LARS2: variants seen among roughly 807,000 people sequenced by gnomAD.
The protein encoded by LARS2 is leucyl-tRNA synthetase 2, mitochondrial, also known as leucine--tRNA ligase, mitochondrial.
Under a neutral mutation model 116.6 loss-of-function variants are expected in LARS2, and 81 were observed. The observed-to-expected ratio is 0.69, with a 90% CI of 0.58 to 0.84. The LOEUF (loss-of-function observed/expected upper bound fraction) is 0.84. LARS2 is among the 40% of genes least tolerant of loss of function. The pLI, the probability that LARS2 is intolerant of heterozygous loss-of-function variation, is 0.00. For synonymous variants in LARS2, 396 were observed against 407.2 expected (o/e 0.97, Z 0.33); for missense variants, 968 against 1,114.5 (o/e 0.87, Z 1.87).
intron 20 of LARS2, among the ~76,000 whole-genome samples, chr3:45,541,139 C>T (rs1271786082): frequency 6.6e-6 from 1 of 152,172 alleles, no homozygotes; most frequent in African/African-American, 2.4e-5. Flanking sequence ...TGCAGCTGCA[C>T]TTGGACAGCT....
chr3:45,463,534 G>T (rs998180354), intron 8 of LARS2, among the ~76,000 whole-genome samples: 4 of 152,046 alleles, frequency 2.6e-5, no homozygotes, highest in Non-Finnish European at 4.4e-5. Context: ...TTGAGGGTAG[G>T]TACTCCTCTT....
At chr3:45,484,616 A>ATATATATATATATATAT (rs1381915093) in intron 10 of LARS2, among the ~76,000 whole-genome samples, 2 of 13,618 alleles carry the variant, frequency 1.5e-4, no homozygotes, top group African/African-American at 2.3e-4. Context: ...AAAAAAAAAA[A>ATATATATATATATATAT]AAAAAAAAAA....
At chr3:45,393,986 C>T (rs1218373405) in intron 2 of LARS2, among the ~76,000 whole-genome samples, 1 of 152,106 alleles carries the variant, frequency 6.6e-6, no homozygotes, top group African/African-American at 2.4e-5. Flanking sequence ...ATTTCTGGCC[C>T]TCCTGGGAGG....
intron 4 of LARS2, among the ~76,000 whole-genome samples, chr3:45,408,286 T>C (rs1377224521): frequency 1.3e-5 from 2 of 152,268 alleles, no homozygotes; most frequent in East Asian, 1.9e-4. Flanking sequence ...GGGTGTGCCA[T>C]GGCCATGTGG....
intron 1 of LARS2, among the ~76,000 whole-genome samples, chr3:45,390,469 C>T (rs1186431362): frequency 1.3e-5 from 2 of 150,806 alleles, no homozygotes; most frequent in South Asian, 2.1e-4. Flanking sequence ...CCCGCCACCA[C>T]GCCTGGCTAA....
At chr3:45,497,302 C>A (rs1316919522) in intron 14 of LARS2, among the ~76,000 whole-genome samples, 1 of 151,068 alleles carries the variant, frequency 6.6e-6, no homozygotes, top group Admixed American at 6.6e-5. Context: ...CCCGCCCCCC[C>A]CAAAAAAAGA....
chr3:45,401,900 G>A (rs1698160887), intron 4 of LARS2, among the ~76,000 whole-genome samples: 2 of 152,152 alleles, frequency 1.3e-5, no homozygotes, highest in African/African-American at 4.8e-5. Flanking sequence ...ATAGATATGA[G>A]CTACCGCACC....
chr3:45,396,351 G>A (rs1698045522), intron 3 of LARS2, among the ~76,000 whole-genome samples: 1 of 152,224 alleles, frequency 6.6e-6, no homozygotes, highest in South Asian at 2.1e-4. Flanking sequence ...ATCATTTAAT[G>A]TTTTGGATTC....
At chr3:45,473,845 G>T (rs1206300106) in intron 8 of LARS2, among the ~76,000 whole-genome samples, 3 of 151,996 alleles carry the variant, frequency 2.0e-5, no homozygotes, top group Non-Finnish European at 1.5e-5. Flanking sequence ...GTATGATATT[G>T]TTTAGTTGTG....
intron 3 of LARS2, among the ~76,000 whole-genome samples, chr3:45,398,618 C>A (rs925075693): frequency 1.3e-5 from 2 of 152,186 alleles, no homozygotes; most frequent in Non-Finnish European, 2.9e-5. Flanking sequence ...TCTCTCCAGC[C>A]CCTCCACCCT....
intron 6 of LARS2, among the ~76,000 whole-genome samples, chr3:45,441,467 T>A (rs1172914125): frequency 6.6e-6 from 1 of 152,192 alleles, no homozygotes; most frequent in East Asian, 1.9e-4. Context: ...AGTAGGGAAA[T>A]GTGGTGTGGC....
intron 6 of LARS2, among the ~76,000 whole-genome samples, chr3:45,433,868 T>C (rs1393376013): frequency 1.3e-5 from 2 of 152,176 alleles, no homozygotes; most frequent in African/African-American, 2.4e-5. Flanking sequence ...TCAAGAGATA[T>C]GGAATTTTGG....
At chr3:45,534,043 G>A (rs963452384) in intron 20 of LARS2, among the ~76,000 whole-genome samples, 5 of 152,216 alleles carry the variant, frequency 3.3e-5, no homozygotes, top group African/African-American at 1.2e-4. Context: ...GCGGGAGAGA[G>A]CAGTTGGAGC....
intron 6 of LARS2, chr3:45,421,195 C>T (rs1050211390): frequency 1.3e-5 from 2 of 152,056 alleles, no homozygotes; most frequent in Non-Finnish European, 2.9e-5. Context: ...TTGTTCAAAT[C>T]CGAAGTCCAG....
intron 7 of LARS2, among the ~76,000 whole-genome samples, chr3:45,451,378 T>A (rs75903364): frequency 4.6e-5 from 7 of 152,236 alleles, no homozygotes; most frequent in Middle Eastern, 3.4e-3. Context: ...GTTTTTTTTT[T>A]ATATGGTGAA....
At chr3:45,519,145 C>A (rs1700413919) in intron 18 of LARS2, among the ~76,000 whole-genome samples, 1 of 152,132 alleles carries the variant, frequency 6.6e-6, no homozygotes, top group Non-Finnish European at 1.5e-5. Context: ...AGCACAGAAA[C>A]ATGAAAAAGC....
chr3:45,493,224 C>T (rs139936011), intron 13 of LARS2, among the ~76,000 whole-genome samples: 4,390 of 152,196 alleles, frequency 0.029, 83 homozygotes, highest in Middle Eastern at 0.051. Context: ...CTCAGCCTCC[C>T]GAGTAGCTGG....
intron 4 of LARS2, among the ~76,000 whole-genome samples, chr3:45,403,254 T>TA (rs1698183729): frequency 6.6e-6 from 1 of 152,162 alleles, no homozygotes; most frequent in Non-Finnish European, 1.5e-5. Context: ...AAATTTTTTT[T>TA]AACTTAGGCC....
chr3:45,496,662 G>A (rs1474012105), intron 14 of LARS2, among the ~76,000 whole-genome samples: 1 of 152,236 alleles, frequency 6.6e-6, no homozygotes, highest in African/African-American at 2.4e-5. Flanking sequence ...AGCAAAGCTT[G>A]TCCATTAGAG....
Sources: allele counts gnomAD v4.1 joint callset (sites outside exome capture counted in the v4.1 genomes callset), GRCh38; gene constraint gnomAD v4.1.1; transcripts MANE v1.5; gene names NCBI Gene and HGNC (gene_info 2026-07-23, HGNC 2026-07-21).